The following TCF4 variants were observed in gnomAD, a reference collection of about 807,000 sequenced individuals.
The protein encoded by TCF4 is transcription factor 4.
In TCF4, 3 loss-of-function variants were observed where a neutral mutation model predicts 82.1. The ratio of observed to expected loss-of-function variants is 0.04; its 90% confidence interval spans 0.02 to 0.09. The LOEUF (loss-of-function observed/expected upper bound fraction) is 0.09. Among genes scored for constraint, TCF4 ranks in the 10% least tolerant of loss-of-function variants. TCF4 has a pLI of 1.00. For missense variants in TCF4, 518 were observed against 852.7 expected (o/e 0.61, Z 4.89); for synonymous variants, 276 against 309.6 (o/e 0.89, Z 1.14).
At chr18:55,396,031 G>GC (rs1197957611) in intron 6 of TCF4, among the ~76,000 whole-genome samples, 4 of 152,124 alleles carry the variant, frequency 2.6e-5, no homozygotes, top group Non-Finnish European at 5.9e-5. Context: ...CCTGAACGGA[G>GC]CTGAGTGCAG....
chr18:55,569,129 G>T (rs576694124), intron 3 of TCF4, among the ~76,000 whole-genome samples: 1 of 150,008 alleles, frequency 6.7e-6, no homozygotes. Flanking sequence ...TATTCATGGT[G>T]AAAATCAGGA....
At chr18:55,268,615 T>C (rs1413380505) in intron 11 of TCF4, 2 of 152,110 alleles carry the variant, frequency 1.3e-5, no homozygotes, top group African/African-American at 4.8e-5. Flanking sequence ...GTGAGATATA[T>C]TATTGAATAC....
At chr18:55,630,153 A>C (rs2097730245) in intron 2 of TCF4, among the ~76,000 whole-genome samples, 1 of 152,184 alleles carries the variant, frequency 6.6e-6, no homozygotes, top group Non-Finnish European at 1.5e-5. Flanking sequence ...TTAAAATATA[A>C]AGGGCTGAAA....
intron 3 of TCF4, among the ~76,000 whole-genome samples, chr18:55,507,909 T>C (rs2096781134): frequency 6.6e-6 from 1 of 152,128 alleles, no homozygotes; most frequent in Non-Finnish European, 1.5e-5. Flanking sequence ...AGGCATTCAC[T>C]CAAGTAAGGT....
At chr18:55,448,033 T>C (rs2095557006) in intron 5 of TCF4, among the ~76,000 whole-genome samples, 1 of 152,142 alleles carries the variant, frequency 6.6e-6, no homozygotes, top group Non-Finnish European at 1.5e-5. Flanking sequence ...CTTTGACAAG[T>C]AAACTGTATC....
intron 3 of TCF4, among the ~76,000 whole-genome samples, chr18:55,491,101 G>A (rs1202624847): frequency 6.6e-6 from 1 of 152,188 alleles, no homozygotes; most frequent in Non-Finnish European, 1.5e-5. Context: ...AAACTAATGA[G>A]TTACATCCAG....
intron 2 of TCF4, chr18:55,585,899 CCT>C (rs1220076333): frequency 3.3e-6 from 4 of 1,224,180 alleles, no homozygotes; most frequent in Admixed American, 3.8e-5. Context: ...TCTTTCACTC[CCT>C]CTCTCTCCAG....
chr18:55,555,439 G>A (rs185160392), intron 3 of TCF4, among the ~76,000 whole-genome samples: 11 of 152,156 alleles, frequency 7.2e-5, no homozygotes, highest in Admixed American at 2.6e-4. Flanking sequence ...TAGAGGGGTC[G>A]AAACCATAAA....
chr18:55,363,818 T>C (rs971310248), intron 6 of TCF4, among the ~76,000 whole-genome samples: 1 of 151,630 alleles, frequency 6.6e-6, no homozygotes, highest in Non-Finnish European at 1.5e-5. Flanking sequence ...AATAAATAAA[T>C]AAATAAATAA....
chr18:55,476,088 G>C (rs185210219), intron 3 of TCF4, among the ~76,000 whole-genome samples: 1 of 152,154 alleles, frequency 6.6e-6, no homozygotes, highest in East Asian at 1.9e-4. Flanking sequence ...TGCCATTTCA[G>C]AGGCACTTCC....
At chr18:55,233,567 G>T (rs138699971) in intron 16 of TCF4, among the ~76,000 whole-genome samples, 1 of 152,282 alleles carries the variant, frequency 6.6e-6, no homozygotes, top group East Asian at 1.9e-4. Context: ...TGTAATCCCA[G>T]CACTTCGGGA....
intron 3 of TCF4, among the ~76,000 whole-genome samples, chr18:55,505,676 C>T (rs1323935633): frequency 9.3e-5 from 14 of 150,520 alleles, no homozygotes; most frequent in South Asian, 6.3e-4. Context: ...TAGTGGCGGG[C>T]GCCTGTAGTC....
At chr18:55,298,012 T>C (rs945749811) in intron 8 of TCF4, among the ~76,000 whole-genome samples, 4 of 152,226 alleles carry the variant, frequency 2.6e-5, no homozygotes, top group Admixed American at 2.0e-4. Flanking sequence ...CAGATTTTAA[T>C]AGTAGTGGAC....
At chr18:55,629,393 G>T (rs1351977647) in intron 2 of TCF4, among the ~76,000 whole-genome samples, 1 of 152,130 alleles carries the variant, frequency 6.6e-6, no homozygotes, top group African/African-American at 2.4e-5. Flanking sequence ...AATTTAGGGA[G>T]GTCTGCAGTG....
At chr18:55,537,442 T>G (rs895455926) in intron 3 of TCF4, among the ~76,000 whole-genome samples, 15 of 151,930 alleles carry the variant, frequency 9.9e-5, no homozygotes, top group Admixed American at 5.2e-4. Context: ...ACACAAAAAC[T>G]ACCAAGGCGT....
At chr18:55,439,879 C>T (rs1038386022) in intron 5 of TCF4, among the ~76,000 whole-genome samples, 5 of 152,182 alleles carry the variant, frequency 3.3e-5, no homozygotes, top group East Asian at 1.9e-4. Flanking sequence ...CGTGCCACCA[C>T]GCCTGGCTAA....
At chr18:55,455,248 T>C (rs1002286104) in intron 5 of TCF4, among the ~76,000 whole-genome samples, 1 of 141,054 alleles carries the variant, frequency 7.1e-6, no homozygotes, top group African/African-American at 2.6e-5. Context: ...AAGGAAGAAG[T>C]AGAAGAAAGA....
chr18:55,505,543 G>A (rs1398664886), intron 3 of TCF4, among the ~76,000 whole-genome samples: 2 of 151,992 alleles, frequency 1.3e-5, no homozygotes, highest in Admixed American at 6.5e-5. Context: ...GGTGGCTCAC[G>A]CCTGTAATCC....
intron 3 of TCF4, among the ~76,000 whole-genome samples, chr18:55,502,449 A>T (rs150568429): frequency 1.3e-5 from 2 of 152,354 alleles, no homozygotes; most frequent in Non-Finnish European, 2.9e-5. Flanking sequence ...TTAAAGGACA[A>T]TGCAGCATAG....
Sources: allele counts gnomAD v4.1 joint callset (sites outside exome capture counted in the v4.1 genomes callset), GRCh38; gene constraint gnomAD v4.1.1; transcripts MANE v1.5; gene names NCBI Gene and HGNC (gene_info 2026-07-23, HGNC 2026-07-21).